The following CTNNA3 variants were observed in gnomAD, a reference collection of about 807,000 sequenced individuals.
CTNNA3 encodes catenin alpha 3.
In CTNNA3, 76 loss-of-function variants were observed where a neutral mutation model predicts 95.7. The observed-to-expected ratio is 0.79, with a 90% confidence interval of 0.66 to 0.96. The LOEUF is 0.96. Among genes scored for constraint, CTNNA3 ranks in the 40% least tolerant of loss-of-function variants. CTNNA3 has a pLI of 0.00. For missense variants in CTNNA3, 1,191 were observed against 1,089.8 expected, an observed-to-expected ratio of 1.09 and a Z score of -1.31; for synonymous variants, 431 against 374.4, an observed-to-expected ratio of 1.15 and a Z score of -1.74.
intron 7 of CTNNA3, among the ~76,000 whole-genome samples, chr10:66,953,362 C>A (rs1014061679): frequency 5.9e-5 from 9 of 152,148 alleles, no homozygotes; most frequent in Admixed American, 3.3e-4. Flanking sequence ...ATGCTCACTG[C>A]CGGTTGTCTG....
chr10:66,779,618 C>T (rs546077987), intron 7 of CTNNA3, among the ~76,000 whole-genome samples: 1 of 152,202 alleles, frequency 6.6e-6, no homozygotes, highest in African/African-American at 2.4e-5. Flanking sequence ...CTGCCTTGGC[C>T]TCCCAGTGCT....
chr10:67,202,762 A>G (rs1391720418), intron 6 of CTNNA3, among the ~76,000 whole-genome samples: 1 of 152,076 alleles, frequency 6.6e-6, no homozygotes, highest in Non-Finnish European at 1.5e-5. Flanking sequence ...GAAAAAAAAG[A>G]AAACTGTAAT....
chr10:66,003,556 A>G (rs2078815489), intron 15 of CTNNA3, among the ~76,000 whole-genome samples: 1 of 152,178 alleles, frequency 6.6e-6, no homozygotes, highest in Non-Finnish European at 1.5e-5. Context: ...CACAAAACCC[A>G]TAGGTGAAAT....
At chr10:67,483,766 A>G (rs1180781381) in intron 5 of CTNNA3, among the ~76,000 whole-genome samples, 1 of 146,078 alleles carries the variant, frequency 6.8e-6, no homozygotes, top group African/African-American at 2.7e-5. Context: ...AATAATAAAA[A>G]AATAAAAATT....
At chr10:66,590,901 A>G (rs1843526934) in intron 10 of CTNNA3, among the ~76,000 whole-genome samples, 1 of 152,132 alleles carries the variant, frequency 6.6e-6, no homozygotes, top group Non-Finnish European at 1.5e-5. Context: ...TAATATATCT[A>G]AGGCATCAAA....
intron 13 of CTNNA3, among the ~76,000 whole-genome samples, chr10:66,239,469 G>A (rs1222476302): frequency 4.0e-5 from 6 of 151,742 alleles, no homozygotes; most frequent in African/African-American, 7.3e-5. Flanking sequence ...ATTGTCTTTC[G>A]ATAGCCTCTT....
At chr10:66,877,978 C>A (rs1182681096) in intron 7 of CTNNA3, among the ~76,000 whole-genome samples, 1 of 152,152 alleles carries the variant, frequency 6.6e-6, no homozygotes, top group African/African-American at 2.4e-5. Flanking sequence ...TTACCCACTA[C>A]AGAAATGATT....
rs117958121 is a variant in CTNNA3 at position 67,588,589 on chromosome 10, G to A, written c.292+18268C>T. Among the ~76,000 whole-genome samples the A allele has an allele frequency of 5.2e-3, 793 of 152,136 alleles. 3 individuals carry two copies. The highest frequency in any genetic ancestry group is 0.01 in the Middle Eastern group (3 of 294). ...GTCAGGCTTTAGTGGTAGTAGTGGT[G>A]GGCTAAGCATTAAAGTATGCATGGG... On this transcript the variant is annotated intron_variant, in intron 3 of 17. Coordinates refer to ENST00000433211, the MANE Select transcript of CTNNA3 (RefSeq NM_013266.4).
At chr10:67,571,385 A>C (rs1841970979) in intron 3 of CTNNA3, among the ~76,000 whole-genome samples, 2 of 152,158 alleles carry the variant, frequency 1.3e-5, no homozygotes, top group African/African-American at 4.8e-5. Context: ...TATCTTTGAA[A>C]TTGCTTGAGA....
At chr10:67,527,711 T>A (rs181103839) in intron 4 of CTNNA3, among the ~76,000 whole-genome samples, 10 of 152,374 alleles carry the variant, frequency 6.6e-5, no homozygotes, top group Admixed American at 6.5e-4. Context: ...TCCTGAAGAC[T>A]GAGCACAATC....
chr10:67,637,800 A>T (rs915780826), intron 2 of CTNNA3, among the ~76,000 whole-genome samples: 3 of 152,238 alleles, frequency 2.0e-5, no homozygotes, highest in African/African-American at 7.2e-5. Context: ...AACACTTTAC[A>T]GACAAGCAAA....
intron 12 of CTNNA3, among the ~76,000 whole-genome samples, chr10:66,325,421 G>T (rs1217758255): frequency 6.6e-6 from 1 of 152,032 alleles, no homozygotes; most frequent in Non-Finnish European, 1.5e-5. Flanking sequence ...GCTTCTTTTT[G>T]TTGTAGAGCC....
At chr10:67,320,667 C>G (rs550653338) in intron 5 of CTNNA3, among the ~76,000 whole-genome samples, 9 of 152,196 alleles carry the variant, frequency 5.9e-5, no homozygotes, top group African/African-American at 2.2e-4. Flanking sequence ...AATAAGCATG[C>G]CTGGTAGGTA....
intron 1 of CTNNA3, among the ~76,000 whole-genome samples, chr10:67,729,413 T>C (rs774834283): frequency 1.3e-5 from 2 of 152,160 alleles, no homozygotes; most frequent in Non-Finnish European, 2.9e-5. Context: ...ATTTTCAAAG[T>C]TCTGTACCAT....
chr10:66,876,986 T>A (rs970967263), intron 7 of CTNNA3, among the ~76,000 whole-genome samples: 1 of 152,056 alleles, frequency 6.6e-6, no homozygotes, highest in African/African-American at 2.4e-5. Context: ...AAGCCCTGAG[T>A]CACATAATTC....
chr10:66,445,540 C>T (rs2093413678), intron 11 of CTNNA3, among the ~76,000 whole-genome samples: 1 of 152,148 alleles, frequency 6.6e-6, no homozygotes, highest in African/African-American at 2.4e-5. Context: ...TGCTCAACTA[C>T]ATGGAAACGG....
At chr10:65,950,460 G>C (rs532790588) in intron 17 of CTNNA3, among the ~76,000 whole-genome samples, 22 of 151,294 alleles carry the variant, frequency 1.5e-4, no homozygotes, top group African/African-American at 5.3e-4. Flanking sequence ...AGCTCAACTC[G>C]TGAACATCAG....
At position 66,255,987 on chromosome 10, in the gene CTNNA3, T is replaced by C. The variant is rs529900869; in HGVS notation, c.1884+24483A>G. On this transcript the variant is annotated intron_variant, in intron 13 of 17. Coordinates refer to ENST00000433211, the MANE Select transcript of CTNNA3 (RefSeq NM_013266.4). ...TTTGAGCTTAGGTGGATGAAACTCA[T>C]GCTCGTAATCCTAATGATAATATAG... 1.3e-3 allele frequency among the ~76,000 whole-genome samples: 191 copies of C among 152,302 alleles called. 1 individual carries two copies. Among genetic ancestry groups the C allele is most frequent in the African/African-American group, 4.4e-3 (184 of 41,566 alleles).
intron 9 of CTNNA3, among the ~76,000 whole-genome samples, chr10:66,710,051 C>T (rs752016205): frequency 2.0e-5 from 3 of 152,072 alleles, no homozygotes; most frequent in Non-Finnish European, 4.4e-5. Flanking sequence ...CCAATTGTAG[C>T]GACATAGAAT....
Sources: gnomAD v4.1 joint callset for allele counts (sites outside exome capture counted in the v4.1 genomes callset) on GRCh38, gnomAD v4.1.1 for gene constraint, MANE v1.5 for transcripts, NCBI Gene and HGNC (gene_info 2026-07-23, HGNC 2026-07-21) for gene names.